Variants in YTHDC2 observed in about 807,000 individuals in gnomAD.
YTHDC2 encodes the protein 3'-5' RNA helicase YTHDC2.
YTHDC2 carries 45 observed loss-of-function variants against 174.9 expected under a neutral mutation model. The observed-to-expected ratio is 0.26, with a 90% CI of 0.20 to 0.33. The LOEUF (loss-of-function observed/expected upper bound fraction) is 0.33, where lower values mean the gene tolerates loss of function less well. Ranked by LOEUF, YTHDC2 falls within the 10% of genes least tolerant of loss-of-function variation. The pLI, the probability that YTHDC2 is intolerant of heterozygous loss-of-function variation, is 1.00. For missense variants in YTHDC2, 1,650 were observed against 1,723.7 expected, an observed-to-expected ratio of 0.96 and a Z score of 0.76; for synonymous variants, 657 against 574.5, an observed-to-expected ratio of 1.14 and a Z score of -2.05.
chr5:113,567,902 C>A, intron 23 of YTHDC2, 53 bp downstream of exon 23: 4 of 1,237,034 alleles, frequency 3.2e-6, no homozygotes, highest in East Asian at 2.7e-5. Context: ...TTTTTTTTTA[C>A]CAAATAATGA....
intron 2 of YTHDC2, among the ~76,000 whole-genome samples, chr5:113,518,596 TG>T (rs1773650814): frequency 6.7e-6 from 1 of 149,920 alleles, no homozygotes; most frequent in Admixed American, 6.7e-5. Flanking sequence ...TGTGTGTGTG[TG>T]TGTATCTGTA....
intron 23 of YTHDC2, among the ~76,000 whole-genome samples, chr5:113,570,729 C>T (rs1279369579): frequency 1.3e-5 from 2 of 151,946 alleles, no homozygotes; most frequent in Non-Finnish European, 2.9e-5. Flanking sequence ...CAGCTCACTG[C>T]AACCTCCGCC....
Position 113,513,952 on chromosome 5 carries a change from C to G in YTHDC2, c.57C>G (p.Gly19=). ...AGCCGGCTCCTGGCGGTGGCGGAGG[C>G]GGCGGCCCCTCGCCTTGTGGCCCTG... ...PRQPAPGGGG[G]GGPSPCGPGG... Residue 19 remains glycine, a synonymous_variant, in exon 1 of 30, where the codon GGC becomes GGG. Transcript: ENST00000161863. The G allele has an allele frequency of 6.2e-7, 1 of 1,602,906 alleles. No individual in the cohort carries two copies. Among genetic ancestry groups the G allele is most frequent in the Non-Finnish European group, 8.5e-7 (1 of 1,174,954 alleles).
intron 23 of YTHDC2, among the ~76,000 whole-genome samples, chr5:113,573,690 T>C (rs1161057438): frequency 1.3e-5 from 2 of 152,198 alleles, no homozygotes; most frequent in Non-Finnish European, 2.9e-5. Flanking sequence ...TTCTCTATTC[T>C]TGTCTGCCTG....
intron 2 of YTHDC2, among the ~76,000 whole-genome samples, chr5:113,524,381 T>C (rs1161121613): frequency 6.6e-6 from 1 of 152,150 alleles, no homozygotes; most frequent in Non-Finnish European, 1.5e-5. Context: ...CAGTTACAAA[T>C]CATCATTACC....
rs1243354415 is a variant in YTHDC2, at chr5:113,532,818, A to G, written c.676-61A>G. 6.8e-6 allele frequency: 10 copies of G among 1,465,676 alleles called. No individual in the cohort carries two copies. The East Asian group carries it at 2.1e-4, about 30-fold the overall frequency. 90.8% of individuals were successfully genotyped at this position (1,465,676 alleles called of 1,614,324 possible). ...ATTCTAGTGGTTTTTCAGTTGATTC[A>G]CTTAGATTTTTTGTATTATGTGATC... On this transcript the variant is annotated intron_variant, in intron 4 of 29. Transcript: ENST00000161863.
intron 20 of YTHDC2, among the ~76,000 whole-genome samples, 181 bp downstream of exon 20, chr5:113,564,312 A>G (rs922911187): frequency 2.0e-5 from 3 of 152,270 alleles, no homozygotes; most frequent in Admixed American, 6.5e-5. Flanking sequence ...AAATTAAAAC[A>G]GTTTTGCTCT....
intron 28 of YTHDC2, 30 bp downstream of exon 28, chr5:113,592,208 CT>C (rs1561717794): frequency 8.0e-7 from 1 of 1,249,768 alleles, no homozygotes; most frequent in Admixed American, 2.6e-5. Flanking sequence ...TTTTTATTTA[CT>C]TTTGTTTCTG....
chr5:113,582,707 A>C (rs755807529), intron 25 of YTHDC2: 6 of 152,152 alleles, frequency 3.9e-5, no homozygotes, highest in Non-Finnish European at 8.8e-5. Context: ...TTCAAGGATC[A>C]GGTGGGGTTT....
chr5:113,567,428 C>CATATAAA (rs1561684194), intron 22 of YTHDC2, 131 bp downstream of exon 22: 2 of 359,582 alleles, frequency 5.6e-6, no homozygotes, highest in African/African-American at 5.0e-5. Flanking sequence ...ATATATATAT[C>CATATAAA]ATTAAATATT....
chr5:113,585,351 G>T (rs1195314694), intron 26 of YTHDC2, among the ~76,000 whole-genome samples: 1 of 152,040 alleles, frequency 6.6e-6, no homozygotes, highest in Admixed American at 6.6e-5. Context: ...TTTGATTAGG[G>T]GTTATTTAGC....
At position 113,563,379 on chromosome 5, in the gene YTHDC2, T is replaced by G. The variant is rs1236755453; in HGVS notation, c.2329T>G (p.Cys777Gly). The G allele has an allele frequency of 3.1e-6, 5 of 1,608,820 alleles. No homozygotes were observed. The highest frequency in any genetic ancestry group is 4.2e-6 in the Non-Finnish European group (5 of 1,177,502). ...ELLRMPLQEL[C>G]LHTKLLAPVN... is the part of the protein sequence containing the mutation. ...TTACTGTTTTGGTTTATAGGAACTT[T>G]GCTTACATACCAAGCTGTTAGCCCC... Residue 777 changes from cysteine to glycine, a missense_variant, in exon 19 of 30, where the codon TGC becomes GGC. This residue lies in a region of YTHDC2 where 913 missense variants were observed against 940.4 expected (regional missense o/e 0.97). Transcript: ENST00000161863.
chr5:113,535,854 ATTAT>A, intron 7 of YTHDC2, 56 bp downstream of exon 7: 2 of 1,420,098 alleles, frequency 1.4e-6, no homozygotes, highest in South Asian at 2.8e-5. Context: ...ACTTTTGGAC[ATTAT>A]TTATCCTAAC....
intron 23 of YTHDC2, among the ~76,000 whole-genome samples, chr5:113,574,883 G>T (rs1270610151): frequency 6.6e-6 from 1 of 152,204 alleles, no homozygotes; most frequent in Non-Finnish European, 1.5e-5. Context: ...CTCACAAAGG[G>T]ATCCCCTGAT....
intron 23 of YTHDC2, among the ~76,000 whole-genome samples, chr5:113,569,897 T>C (rs1777602058): frequency 6.6e-6 from 1 of 152,164 alleles, no homozygotes; most frequent in African/African-American, 2.4e-5. Flanking sequence ...ATAATGGGAA[T>C]AGCATTGAAT....
intron 4 of YTHDC2, among the ~76,000 whole-genome samples, chr5:113,532,245 A>C (rs1032078530): frequency 2.6e-5 from 4 of 152,190 alleles, no homozygotes; most frequent in Admixed American, 6.5e-5. Flanking sequence ...TCATGCTTAT[A>C]TACACAAATA....
chr5:113,522,891 C>T (rs1561623716), intron 2 of YTHDC2, among the ~76,000 whole-genome samples: 1 of 152,098 alleles, frequency 6.6e-6, no homozygotes, highest in Admixed American at 6.5e-5. Flanking sequence ...TTGATATTAT[C>T]TTTCCATTCT....
intron 23 of YTHDC2, among the ~76,000 whole-genome samples, chr5:113,573,417 G>T (rs998157605): frequency 4.6e-5 from 7 of 151,930 alleles, no homozygotes; most frequent in Admixed American, 2.0e-4. Flanking sequence ...CTTTCCTTTA[G>T]ACCTTGGAGA....
At chr5:113,561,466 TATC>T (rs1776962813) in intron 18 of YTHDC2, among the ~76,000 whole-genome samples, 1 of 136,268 alleles carries the variant, frequency 7.3e-6, no homozygotes, top group African/African-American at 3.3e-5. Flanking sequence ...TCTATCTATC[TATC>T]TATATTTTTT....
Sources: allele counts gnomAD v4.1 joint callset (sites outside exome capture counted in the v4.1 genomes callset), GRCh38; gene constraint gnomAD v4.1.1; regional missense constraint gnomAD v4.1.1; transcripts MANE v1.5; gene names NCBI Gene and HGNC (gene_info 2026-07-23, HGNC 2026-07-21).